Variants in DOCK5 observed in about 807,000 individuals in gnomAD.
DOCK5 encodes dedicator of cytokinesis 5, also known as dedicator of cytokinesis protein 5.
A neutral mutation model predicts 251.8 loss-of-function variants in DOCK5; 142 were observed. The observed-to-expected ratio is 0.56, with a 90% CI of 0.49 to 0.65. The LOEUF (loss-of-function observed/expected upper bound fraction) is 0.65. Among genes scored for constraint, DOCK5 ranks in the 30% least tolerant of loss-of-function variants. The pLI is 0.00. For synonymous variants in DOCK5, 842 were observed against 835.5 expected (o/e 1.01, Z -0.13); for missense variants, 2,111 against 2,312.3 (o/e 0.91, Z 1.79).
At chr8:25,252,351 A>T (rs924571262) in intron 2 of DOCK5, among the ~76,000 whole-genome samples, 1 of 152,262 alleles carries the variant, frequency 6.6e-6, no homozygotes, top group Admixed American at 6.5e-5. Flanking sequence ...GGGGTGTCCA[A>T]GGTATTTGTA....
chr8:25,196,361 A>T (rs1295795848), intron 1 of DOCK5, among the ~76,000 whole-genome samples: 1 of 152,232 alleles, frequency 6.6e-6, no homozygotes, highest in East Asian at 1.9e-4. Flanking sequence ...CATGGAAGAA[A>T]CAAGACATTT....
intron 39 of DOCK5, among the ~76,000 whole-genome samples, chr8:25,380,946 G>A (rs17053529): frequency 0.077 from 11,701 of 151,358 alleles, 532 homozygotes; most frequent in East Asian, 0.21. Context: ...AGTGGAGGAG[G>A]CAGCCATTCT....
At chr8:25,187,767 A>G (rs1196776119) in intron 1 of DOCK5, among the ~76,000 whole-genome samples, 1 of 152,086 alleles carries the variant, frequency 6.6e-6, no homozygotes, top group Non-Finnish European at 1.5e-5. Flanking sequence ...ACTGTTGTGC[A>G]ACATACCCTG....
At chr8:25,233,620 C>T (rs1300274891) in intron 1 of DOCK5, among the ~76,000 whole-genome samples, 1 of 152,112 alleles carries the variant, frequency 6.6e-6, no homozygotes, top group Non-Finnish European at 1.5e-5. Context: ...AATCACTTGC[C>T]CTAGAGTCCA....
intron 6 of DOCK5, among the ~76,000 whole-genome samples, chr8:25,293,861 G>T (rs1586302113): frequency 1.3e-5 from 2 of 152,250 alleles, no homozygotes; most frequent in Non-Finnish European, 2.9e-5. Context: ...AAAATTAGCT[G>T]GGCATGGTGG....
At chr8:25,280,422 A>T (rs1248122137) in intron 5 of DOCK5, among the ~76,000 whole-genome samples, 1 of 152,244 alleles carries the variant, frequency 6.6e-6, no homozygotes, top group African/African-American at 2.4e-5. Context: ...GGCATAACTT[A>T]TAAGAGTTCA....
chr8:25,219,446 C>T (rs1189897927), intron 1 of DOCK5, among the ~76,000 whole-genome samples: 1 of 152,094 alleles, frequency 6.6e-6, no homozygotes, highest in Non-Finnish European at 1.5e-5. Flanking sequence ...TCCTGTCCTC[C>T]TCATTTTGGG....
intron 1 of DOCK5, among the ~76,000 whole-genome samples, chr8:25,194,059 G>A (rs1234438330): frequency 6.6e-6 from 1 of 151,662 alleles, no homozygotes; most frequent in African/African-American, 2.4e-5. Context: ...GCTGAGGCGG[G>A]TGTATCACCT....
chr8:25,357,026 G>A (rs933386668), intron 27 of DOCK5, among the ~76,000 whole-genome samples: 14 of 150,530 alleles, frequency 9.3e-5, no homozygotes, highest in Non-Finnish European at 1.6e-4. Context: ...ATATACAAAA[G>A]CTATTATAAG....
chr8:25,375,202 C>CCGAGA, intron 37 of DOCK5: 1 of 177,990 alleles, frequency 5.6e-6, no homozygotes, highest in Admixed American at 5.7e-5. Flanking sequence ...TTATTTCTCA[C>CCGAGA]TCTTTGCTCC....
intron 45 of DOCK5, among the ~76,000 whole-genome samples, chr8:25,397,095 G>A (rs1246077469): frequency 6.6e-6 from 1 of 151,974 alleles, no homozygotes; most frequent in Non-Finnish European, 1.5e-5. Context: ...GATGGCGGGT[G>A]CCTGTAATCT....
intron 18 of DOCK5, among the ~76,000 whole-genome samples, 192 bp downstream of exon 18, chr8:25,325,739 A>G (rs1805548877): frequency 6.6e-6 from 1 of 152,216 alleles, no homozygotes; most frequent in Non-Finnish European, 1.5e-5. Flanking sequence ...CCTCTTCTGA[A>G]GTTTCATCGT....
chr8:25,411,420 G>A lies in DOCK5; in HGVS notation c.*122G>A, dbSNP rs1414996803. 7.0e-6 allele frequency: 9 copies of A among 1,277,494 alleles called. No individual in the cohort carries two copies. The highest frequency in any genetic ancestry group is 1.6e-5 in the African/African-American group (1 of 64,178). 79.1% of individuals were successfully genotyped at this position (1,277,494 alleles called of 1,614,324 possible). ...ACTGCATTTCCTGATCTGGGATGATGTTTACCAGCCCAAAACCAGTCATGT... is the reference window on the plus strand; with the variant it reads ...ACTGCATTTCCTGATCTGGGATGATATTTACCAGCCCAAAACCAGTCATGT... On this transcript the variant is annotated 3_prime_UTR_variant, in exon 52 of 52. Coordinates refer to ENST00000276440, the MANE Select transcript of DOCK5 (RefSeq NM_024940.8).
intron 31 of DOCK5, among the ~76,000 whole-genome samples, chr8:25,367,324 C>G (rs1279798444): frequency 6.6e-6 from 1 of 152,212 alleles, no homozygotes; most frequent in Admixed American, 6.5e-5. Flanking sequence ...AAAGCACACT[C>G]CTTCAGCACA....
intron 37 of DOCK5, chr8:25,375,971 G>T: frequency 1.4e-6 from 1 of 728,978 alleles, no homozygotes; most frequent in African/African-American, 1.9e-5. Context: ...GGTGGCACCT[G>T]CCTGTAGTCC....
In DOCK5 at chr8:25,228,732, T is replaced by A. The variant is rs75688277; in HGVS notation, c.44-14942T>A. Among the ~76,000 whole-genome samples, 471 of 152,088 alleles carry A rather than the reference T, an allele frequency of 3.1e-3. 2 individuals are homozygous for A. The highest frequency in any genetic ancestry group is 5.8e-3 in the Non-Finnish European group (395 of 67,978). ...TTTTCAAGCTATTTTAAACTATTTT[T>A]AACCTTTTTTCACATGTTTATTCTT... On this transcript the variant is annotated intron_variant, in intron 1 of 51. Coordinates refer to ENST00000276440, the MANE Select transcript of DOCK5 (RefSeq NM_024940.8).
At chr8:25,297,268 T>A (rs1804641856) in intron 7 of DOCK5, among the ~76,000 whole-genome samples, 1 of 150,670 alleles carries the variant, frequency 6.6e-6, no homozygotes, top group African/African-American at 2.4e-5. Context: ...CTAATTTTTG[T>A]AATTTTTTTT....
In DOCK5 at chr8:25,184,941, G is replaced by A; in HGVS notation, c.33G>A (p.Lys11=). 6.9e-7 allele frequency: 1 copy of A among 1,441,272 alleles called. No individual in the cohort carries two copies. Among genetic ancestry groups the A allele is most frequent in the Non-Finnish European group, 9.2e-7 (1 of 1,088,484 alleles). The allele number at this position is 1,441,272 out of a possible 1,614,324, so 89.3% of individuals were successfully genotyped here. The change falls in exon 1 of 52, where the codon AAG becomes AAA. Residue 11 remains lysine (K), a synonymous_variant. Transcript: ENST00000276440. MARWIPTKRQ[K]YGVAIYNYNA... is the part of the protein sequence containing the mutation. ...GCTGGATCCCGACCAAGAGGCAGAA[G>A]TACGGGGTTGGTGAGTGCGCGCCCC...
chr8:25,400,015 A>C (rs3763520), intron 46 of DOCK5, 21 bp downstream of exon 46: 4 of 1,605,488 alleles, frequency 2.5e-6, no homozygotes, highest in Non-Finnish European at 3.4e-6. Context: ...GCTTTCCTCT[A>C]CACTCCCAGG....
Sources: allele counts gnomAD v4.1 joint callset (sites outside exome capture counted in the v4.1 genomes callset), GRCh38; gene constraint gnomAD v4.1.1; transcripts MANE v1.5; gene names NCBI Gene and HGNC (gene_info 2026-07-23, HGNC 2026-07-21).